The following TBC1D4 variants were observed in gnomAD, a reference collection of about 807,000 sequenced individuals.
The protein encoded by TBC1D4 is TBC1 domain family member 4.
TBC1D4 carries 121 observed loss-of-function variants against 142.5 expected under a neutral mutation model. The ratio of observed to expected loss-of-function variants is 0.85; its 90% confidence interval spans 0.73 to 0.99. The LOEUF is 0.99. TBC1D4 is among the 50% of genes least tolerant of loss of function. TBC1D4 has a pLI of 0.00. For synonymous variants in TBC1D4, 630 were observed against 628.2 expected (o/e 1.00, Z -0.04); for missense variants, 1,475 against 1,606.6 (o/e 0.92, Z 1.40).
Position 75,405,724 on chromosome 13 carries a change from G to T in TBC1D4, c.499-43117C>A, listed in dbSNP as rs184688254. 2.0e-3 allele frequency among the ~76,000 whole-genome samples: 299 copies of T among 152,094 alleles called. 2 individuals carry two copies. Among genetic ancestry groups the T allele is most frequent in the African/African-American group, 6.8e-3 (283 of 41,468 alleles). ...TGATCATCTTTTATTACCAAAAAAA[G>T]GTTGTAAATAATAATGCAGAAAAGC... On this transcript the variant is annotated intron_variant, in intron 1 of 20. Coordinates refer to ENST00000377636, the MANE Select transcript of TBC1D4 (RefSeq NM_014832.5).
In TBC1D4 at chr13:75,481,529, C is replaced by A; in HGVS notation, c.239G>T (p.Arg80Leu). Residue 80 changes from arginine to leucine, a missense_variant, in exon 1 of 21, where the codon CGA becomes CTA. By Grantham distance (102) the Arg-to-Leu change is moderately radical. Coordinates refer to ENST00000377636, the MANE Select transcript of TBC1D4 (RefSeq NM_014832.5). ...CGCGCTGAGCACCAGGATCACCTCTCGGGCCGCCGGCGCCCCGCAGCCGCC... is the reference window on the plus strand; with the variant it reads ...CGCGCTGAGCACCAGGATCACCTCTAGGGCCGCCGGCGCCCCGCAGCCGCC... ...EAGGCGAPAA[R>L]EVILVLSAPF... 6.2e-7 allele frequency: 1 copy of A among 1,605,180 alleles called. No homozygotes were observed. Among genetic ancestry groups the A allele is most frequent in the Non-Finnish European group, 8.5e-7 (1 of 1,176,002 alleles).
intron 16 of TBC1D4, among the ~76,000 whole-genome samples, chr13:75,299,915 T>A (rs2137879223): frequency 6.6e-6 from 1 of 151,926 alleles, no homozygotes; most frequent in South Asian, 2.1e-4. Context: ...ATATAAATTT[T>A]ATTCTGACTA....
chr13:75,369,659 C>T (rs1025665627), intron 1 of TBC1D4, among the ~76,000 whole-genome samples: 6 of 152,128 alleles, frequency 3.9e-5, no homozygotes, highest in Admixed American at 3.9e-4. Flanking sequence ...AGATATGATA[C>T]CCCCTAGGTC....
At chr13:75,348,716 G>C (rs940429676) in intron 5 of TBC1D4, among the ~76,000 whole-genome samples, 1 of 152,098 alleles carries the variant, frequency 6.6e-6, no homozygotes, top group Non-Finnish European at 1.5e-5. Context: ...CTTCACTAAA[G>C]TTCTACATTT....
intron 1 of TBC1D4, among the ~76,000 whole-genome samples, chr13:75,385,215 C>T (rs1361729860): frequency 3.3e-5 from 5 of 152,194 alleles, no homozygotes; most frequent in Non-Finnish European, 7.3e-5. Context: ...AGTGCTTCCC[C>T]CTCACAGCAC....
chr13:75,474,916 C>T (rs1414604411), intron 1 of TBC1D4, among the ~76,000 whole-genome samples: 1 of 152,144 alleles, frequency 6.6e-6, no homozygotes, highest in African/African-American at 2.4e-5. Context: ...GGATTACAGG[C>T]ATGAGCCACC....
chr13:75,313,290 CT>C (rs1473196891), intron 12 of TBC1D4, among the ~76,000 whole-genome samples: 2 of 152,166 alleles, frequency 1.3e-5, no homozygotes, highest in East Asian at 3.8e-4. Context: ...TCACAAAGAG[CT>C]TTTGTTAGAG....
At position 75,463,118 on chromosome 13, in the gene TBC1D4, T is replaced by C. The variant is rs1888036872; in HGVS notation, c.498+18152A>G. 2.6e-5 allele frequency among the ~76,000 whole-genome samples: 4 copies of C among 152,120 alleles called. No homozygotes were observed. In the South Asian group the frequency reaches 8.3e-4, roughly 32 times the overall value. ...GTCAAACACCCAAGCATTTGGTAAC[T>C]GTTAACGCACTCACAGTATTGCCAA... On this transcript the variant is annotated intron_variant, in intron 1 of 20. Coordinates refer to ENST00000377636, the MANE Select transcript of TBC1D4 (RefSeq NM_014832.5).
intron 1 of TBC1D4, among the ~76,000 whole-genome samples, chr13:75,429,161 A>G (rs1886495998): frequency 6.6e-6 from 1 of 152,212 alleles, no homozygotes; most frequent in Non-Finnish European, 1.5e-5. Flanking sequence ...AAATCGTAAA[A>G]TCACGTGTTG....
At position 75,312,743 on chromosome 13, in the gene TBC1D4, T is replaced by C. The variant is rs199823040; in HGVS notation, c.2378A>G (p.Gln793Arg). The change falls in exon 13 of 21, where the codon CAG (glutamine) becomes CGG (arginine). Residue 793 changes from glutamine (Q) to arginine (R), a missense_variant. Around this residue, in one of 2 missense-constraint regions of TBC1D4, gnomAD observed 1,227 missense variants for 1,267.7 expected, o/e 0.97. Coordinates refer to ENST00000377636, the MANE Select transcript of TBC1D4 (RefSeq NM_014832.5). ...PMNKSPSAMQQQDGLDRNELL... is the reference protein window; with the variant it reads ...PMNKSPSAMQRQDGLDRNELL... ...TTAGGGAGTGCAACACAGACCTTGC[T>C]GTTGCATTGCTGAGGGAGATTTGTT... 1.7e-4 allele frequency: 271 copies of C among 1,614,108 alleles called. No individual in the cohort carries two copies. The highest frequency in any genetic ancestry group is 2.2e-4 in the Non-Finnish European group (262 of 1,180,038).
intron 1 of TBC1D4, among the ~76,000 whole-genome samples, chr13:75,436,405 C>T (rs1488811133): frequency 6.6e-6 from 1 of 152,130 alleles, no homozygotes; most frequent in East Asian, 1.9e-4. Flanking sequence ...TCCCAAATCC[C>T]AGCACTTTGG....
intron 1 of TBC1D4, among the ~76,000 whole-genome samples, chr13:75,463,205 C>G (rs1399595731): frequency 6.6e-6 from 1 of 151,798 alleles, no homozygotes; most frequent in Admixed American, 6.6e-5. Flanking sequence ...AACAATCTCA[C>G]CAGAGGTGGT....
chr13:75,459,875 G>A (rs962170489), intron 1 of TBC1D4, among the ~76,000 whole-genome samples: 7 of 152,196 alleles, frequency 4.6e-5, no homozygotes, highest in African/African-American at 1.7e-4. Context: ...AGGCGCGGTG[G>A]CTCACGCCTG....
chr13:75,362,125 G>C lies in TBC1D4; in HGVS notation c.981C>G (p.His327Gln). ...SSVTGVQRRVHEGSQKSQPRR... is the reference protein window; with the variant it reads ...SSVTGVQRRVQEGSQKSQPRR... The stretch of plus-strand genomic sequence containing the variant: ...GCGGCTGGGATTTCTGGCTGCCCTC[G>C]TGAACTCTCCGTTGCACGCCGGTGA... The change falls in exon 2 of 21, where the codon CAC (histidine) becomes CAG (glutamine). Residue 327 changes from histidine to glutamine, a missense_variant. Transcript: ENST00000377636. This position sits in a 1 kb window ranked among gnomAD's most constrained non-coding sequence, Gnocchi z 4.2. 6.2e-7 allele frequency: 1 copy of C among 1,613,820 alleles called. No homozygotes were observed.
chr13:75,414,353 T>G (rs948341817), intron 1 of TBC1D4, among the ~76,000 whole-genome samples: 1 of 152,172 alleles, frequency 6.6e-6, no homozygotes, highest in East Asian at 1.9e-4. Flanking sequence ...CAAAGTGAAC[T>G]GAAAGGTGAA....
At chr13:75,316,643 A>G (rs1330277849) in intron 12 of TBC1D4, 2 of 152,214 alleles carry the variant, frequency 1.3e-5, no homozygotes, top group Non-Finnish European at 2.9e-5. Context: ...AACTTATAGC[A>G]GTTTCCTGTT....
chr13:75,400,534 T>A (rs184889089), intron 1 of TBC1D4, among the ~76,000 whole-genome samples: 1 of 151,484 alleles, frequency 6.6e-6, no homozygotes, highest in Non-Finnish European at 1.5e-5. Flanking sequence ...CTCAGCTCAC[T>A]GCAACCTCCA....
At position 75,326,376 on chromosome 13, in the gene TBC1D4, TGG is replaced by T; in HGVS notation, c.1852_1853del (p.Pro618ThrfsTer57). 6.2e-7 allele frequency: 1 copy of T among 1,614,076 alleles called. No homozygotes were observed. The highest frequency in any genetic ancestry group is 8.5e-7 in the Non-Finnish European group (1 of 1,180,010). ...GAAACGTTTGCCAAGCTGAGGACGG[TGG>T]GGACGCTGGCGGTGTCCCTGGTGGA... is the stretch of plus-strand genomic sequence containing the variant. ...DSPPGTPPAS[P>X]PSSAWQTFPE... On this transcript the variant is annotated frameshift_variant, in exon 10 of 21. Coordinates refer to ENST00000377636, the MANE Select transcript of TBC1D4 (RefSeq NM_014832.5). LOFTEE classifies it high-confidence loss of function.
chr13:75,312,780 C>G lies in TBC1D4; in HGVS notation c.2341G>C (p.Ala781Pro). Reference sequence around the variant, plus strand: ...GAGGGAGATTTGTTCATGGGAGAAGCAACCCTGAGGAAAATGCGCTGCCGC... The same window carrying G: ...GAGGGAGATTTGTTCATGGGAGAAGGAACCCTGAGGAAAATGCGCTGCCGC... ...SWRQRIFLRV[A>P]SPMNKSPSAM... The change falls in exon 13 of 21, where the codon GCT becomes CCT. Residue 781 changes from alanine to proline, a missense_variant. Physicochemically the swap from Ala to Pro is conservative, Grantham distance 27. Transcript: ENST00000377636. The G allele has an allele frequency of 6.2e-7, 1 of 1,614,212 alleles. No individual in the cohort carries two copies. Among genetic ancestry groups the G allele is most frequent in the Non-Finnish European group, 8.5e-7 (1 of 1,180,038 alleles).
Sources: gnomAD v4.1 joint callset for allele counts (sites outside exome capture counted in the v4.1 genomes callset) on GRCh38, gnomAD v4.1.1 for gene constraint, gnomAD v4.1.1 regional missense constraint, Gnocchi (gnomAD v3.1) non-coding constraint, MANE v1.5 for transcripts, NCBI Gene and HGNC (gene_info 2026-07-23, HGNC 2026-07-21) for gene names.